The following CCNG2 variants were observed in gnomAD, a reference collection of about 807,000 sequenced individuals.
The protein encoded by CCNG2 is cyclin-G2.
A neutral mutation model predicts 36.5 loss-of-function variants in CCNG2; 20 were observed. That is an observed-to-expected ratio of 0.55 (90% CI 0.39 to 0.80). The LOEUF (loss-of-function observed/expected upper bound fraction) is 0.80. Among genes scored for constraint, CCNG2 ranks in the 30% least tolerant of loss-of-function variants. The probability of loss-of-function intolerance (pLI) is 0.00; values close to 1 mark genes in which losing one functional copy is unlikely to be tolerated. For synonymous variants in CCNG2, 155 were observed against 140.1 expected (o/e 1.11, Z -0.75); for missense variants, 358 against 390.8 (o/e 0.92, Z 0.71).
intron 2 of CCNG2, among the ~76,000 whole-genome samples, 200 bp downstream of exon 2, chr4:77,158,870 G>T (rs1347945922): frequency 1.3e-5 from 2 of 152,192 alleles, no homozygotes; most frequent in African/African-American, 4.8e-5. Flanking sequence ...GAGAAGTGGG[G>T]TTTTTTGTTG....
Position 77,168,287 on chromosome 4 carries a change from C to G in CCNG2, c.*2363C>G, listed in dbSNP as rs1731679252. ...TACACTGTTTATATCTCTCTGTCCC[C>G]CCTTTTTCTGCCATTGGCATGGTTT... On this transcript the variant is annotated 3_prime_UTR_variant, in exon 8 of 8. Transcript: ENST00000316355. 1 of 152,222 alleles carries G rather than the reference C, an allele frequency of 6.6e-6. No individual in the cohort carries two copies. The highest frequency in any genetic ancestry group is 1.5e-5 in the Non-Finnish European group (1 of 68,060). 9.4% of individuals were successfully genotyped at this position (152,222 alleles called of 1,614,324 possible). A position where few individuals can be genotyped will look rare whatever the true frequency, so the allele number is the denominator to read the frequency against.
chr4:77,160,532 G>GGA (rs1491351058), intron 3 of CCNG2, among the ~76,000 whole-genome samples, 189 bp from the exon 4 acceptor site: 1 of 83,102 alleles, frequency 1.2e-5, no homozygotes, highest in African/African-American at 6.8e-5. Flanking sequence ...CTTTTTTTTT[G>GGA]GGGGGGGGGG....
At position 77,161,346 on chromosome 4, in the gene CCNG2, C is replaced by T. The variant is rs993262138; in HGVS notation, c.528-134C>T. The T allele has an allele frequency of 4.6e-6, 3 of 649,956 alleles. No homozygotes were observed. The East Asian group carries it at 8.5e-5, about 18-fold the overall frequency. The allele number at this position is 649,956 out of a possible 1,614,324, so 40.3% of individuals were successfully genotyped here. A position where few individuals can be genotyped will look rare whatever the true frequency, so the allele number is the denominator to read the frequency against. ...CGAACTCCTGACCTTAGGTGATCCA[C>T]CTGCTTCTGCCTTCCAAAGTGGTGG... On this transcript the variant is annotated intron_variant, in intron 4 of 7. Transcript: ENST00000316355.
At chr4:77,164,158 G>A (rs1731560407) in intron 6 of CCNG2, 116 bp from the exon 7 acceptor site, 1 of 670,872 alleles carries the variant, frequency 1.5e-6, no homozygotes, top group Non-Finnish European at 2.5e-6. Flanking sequence ...GGTGGAAGCG[G>A]GTAGTGGGAG....
intron 1 of CCNG2, 130 bp from the exon 2 acceptor site, chr4:77,158,403 C>A: frequency 2.3e-6 from 2 of 853,186 alleles, no homozygotes; most frequent in Non-Finnish European, 3.8e-6. Context: ...CGTGACTGGT[C>A]CCTTCACCCG....
In CCNG2 at chr4:77,166,602, A is replaced by ACT. The variant is rs2109925194; in HGVS notation, c.*679_*680dup. The ACT allele has an allele frequency of 6.6e-6, 1 of 152,308 alleles. No individual in the cohort carries two copies. The highest frequency in any genetic ancestry group is 2.1e-4 in the South Asian group (1 of 4,818). The allele number at this position is 152,308 out of a possible 1,614,324, so 9.4% of individuals were successfully genotyped here. On this transcript the variant is annotated 3_prime_UTR_variant, in exon 8 of 8. Coordinates refer to ENST00000316355, the MANE Select transcript of CCNG2 (RefSeq NM_004354.3). ...ATTCCTATTGCCCAAGTATTGTCAA[A>ACT]CTATGGTATTATTTTAATGTTACTT...
At chr4:77,160,042 C>T (rs1731384173) in intron 3 of CCNG2, among the ~76,000 whole-genome samples, 1 of 152,154 alleles carries the variant, frequency 6.6e-6, no homozygotes, top group South Asian at 2.1e-4. Context: ...AAGAAAAGGG[C>T]CGCCATCTGT....
At chr4:77,160,325 C>T (rs1413681460) in intron 3 of CCNG2, among the ~76,000 whole-genome samples, 1 of 149,872 alleles carries the variant, frequency 6.7e-6, no homozygotes, top group Admixed American at 6.6e-5. Context: ...TTTGTACCTG[C>T]ATTTGAATTT....
At chr4:77,164,680 A>G (rs1412176321) in intron 7 of CCNG2, 2 of 485,858 alleles carry the variant, frequency 4.1e-6, no homozygotes, top group Non-Finnish European at 7.3e-6. Context: ...GTCCTCTCCA[A>G]TTTTTTTAGT....
chr4:77,159,565 G>A (rs1731370255), intron 3 of CCNG2, 61 bp downstream of exon 3: 11 of 1,507,798 alleles, frequency 7.3e-6, no homozygotes, highest in Non-Finnish European at 9.9e-6. Context: ...TAGCACACAG[G>A]GTTCAAGAAA....
chr4:77,159,118 C>T (rs1026937659), intron 2 of CCNG2, among the ~76,000 whole-genome samples: 4 of 152,204 alleles, frequency 2.6e-5, no homozygotes, highest in Non-Finnish European at 4.4e-5. Flanking sequence ...CAACAGTTCA[C>T]CTTATATTGA....
chr4:77,165,294 C>G (rs1019877837), intron 7 of CCNG2, among the ~76,000 whole-genome samples: 1 of 152,100 alleles, frequency 6.6e-6, no homozygotes, highest in Non-Finnish European at 1.5e-5. Flanking sequence ...TGTTTTTAGT[C>G]TTCATTACTG....
chr4:77,159,455 C>A lies in CCNG2; in HGVS notation c.227C>A (p.Thr76Asn). The change falls in exon 3 of 8, where the codon ACT becomes AAT. Residue 76 changes from threonine (T) to asparagine (N), a missense_variant. Coordinates refer to ENST00000316355, the MANE Select transcript of CCNG2 (RefSeq NM_004354.3). ...AACTTTTTTGGATCTTGCACTGAAA[C>A]TTTTGTCCTGGCTGTCAATATTTTG... ...LANFFGSCTE[T>N]FVLAVNILDR... The A allele has an allele frequency of 6.2e-7, 1 of 1,613,874 alleles. No homozygotes were observed. The highest frequency in any genetic ancestry group is 8.5e-7 in the Non-Finnish European group (1 of 1,179,930).
At chr4:77,162,372 T>A (rs894857044) in intron 6 of CCNG2, among the ~76,000 whole-genome samples, 1 of 145,858 alleles carries the variant, frequency 6.9e-6, no homozygotes, top group South Asian at 2.1e-4. Flanking sequence ...GAGAGTACTT[T>A]GGGATTTTTT....
rs939233508 is a variant in CCNG2, at chr4:77,169,466, C to G, written c.*3542C>G. The stretch of plus-strand genomic sequence containing the variant: ...TGATGGCCAGTCAGTCTTTCCATCC[C>G]TGTGCCTACATGCTGCTCTTCCCGT... On this transcript the variant is annotated 3_prime_UTR_variant, in exon 8 of 8. Transcript: ENST00000316355. 6 of 152,224 alleles carry G rather than the reference C, an allele frequency of 3.9e-5. No individual in the cohort carries two copies. The highest frequency in any genetic ancestry group is 1.4e-4 in the African/African-American group (6 of 41,450). 9.4% of individuals were successfully genotyped at this position (152,224 alleles called of 1,614,324 possible).
intron 6 of CCNG2, among the ~76,000 whole-genome samples, chr4:77,162,497 G>A (rs369457147): frequency 6.7e-6 from 1 of 148,156 alleles, no homozygotes; most frequent in Non-Finnish European, 1.5e-5. Context: ...ATTCTCCTGC[G>A]TCAACCTCCC....
In CCNG2 at chr4:77,168,493, C is replaced by G. The variant is rs553273308; in HGVS notation, c.*2569C>G. The G allele has an allele frequency of 2.0e-5, 3 of 152,320 alleles. No individual in the cohort carries two copies. In the East Asian group the frequency reaches 5.8e-4, roughly 29 times the overall value. 9.4% of individuals were successfully genotyped at this position (152,320 alleles called of 1,614,324 possible). On this transcript the variant is annotated 3_prime_UTR_variant, in exon 8 of 8. Transcript: ENST00000316355. ...AGGAGAAAAATCTATTCATGACATA[C>G]AAGTCTCTGTCTAATCTGAACACTG...
At chr4:77,159,753 GACT>G (rs1351790253) in intron 3 of CCNG2, among the ~76,000 whole-genome samples, 1 of 152,206 alleles carries the variant, frequency 6.6e-6, no homozygotes, top group East Asian at 1.9e-4. Flanking sequence ...ACAAAAGAGA[GACT>G]ACTATTTTTT....
At chr4:77,161,099 C>CTTT (rs34505988) in intron 4 of CCNG2, 128 bp downstream of exon 4, 66,156 of 301,528 alleles carry the variant, frequency 0.22, 9,084 homozygotes, top group Admixed American at 0.33. Flanking sequence ...ATTGGTAAAT[C>CTTT]TTTTTTTTTT....
Sources: allele counts gnomAD v4.1 joint callset (sites outside exome capture counted in the v4.1 genomes callset), GRCh38; gene constraint gnomAD v4.1.1; transcripts MANE v1.5; gene names NCBI Gene and HGNC (gene_info 2026-07-23, HGNC 2026-07-21).